The following BUD23 variants were observed in gnomAD, a reference collection of about 807,000 sequenced individuals.
BUD23 encodes 18S rRNA (guanine-N(7))-methyltransferase.
BUD23 carries 34 observed loss-of-function variants against 47.0 expected under a neutral mutation model. The ratio of observed to expected loss-of-function variants is 0.72; its 90% CI spans 0.55 to 0.96. The LOEUF is 0.96. Ranked by LOEUF, BUD23 falls within the 40% of genes least tolerant of loss-of-function variation. The probability of loss-of-function intolerance (pLI) is 0.00; values close to 1 mark genes in which losing one functional copy is unlikely to be tolerated. For missense variants in BUD23, 343 were observed against 361.2 expected, an observed-to-expected ratio of 0.95 and a Z score of 0.41; for synonymous variants, 124 against 132.0, an observed-to-expected ratio of 0.94 and a Z score of 0.41.
At chr7:73,692,916 T>C in intron 7 of BUD23, 1 of 544,788 alleles carries the variant, frequency 1.8e-6, no homozygotes, top group East Asian at 2.9e-5. Context: ...GTAAATGCCA[T>C]TTAGGAAGGG....
In BUD23 at chr7:73,693,548, G is replaced by C. The variant is rs1210234416; in HGVS notation, c.597-76G>C. 1.9e-6 allele frequency: 3 copies of C among 1,603,856 alleles called. No homozygotes were observed. The African/African-American group carries it at 4.0e-5, about 21-fold the overall frequency. ...GGGTCCAGGCAGGCGGAGGGGGTGC[G>C]GGTGGGGGAGCTGAGGGCTTGTCTC... On this transcript the variant is annotated intron_variant, in intron 8 of 11. Coordinates refer to ENST00000265758, the MANE Select transcript of BUD23 (RefSeq NM_017528.5).
chr7:73,686,301 G>A (rs1797964442), intron 2 of BUD23, among the ~76,000 whole-genome samples: 1 of 152,174 alleles, frequency 6.6e-6, no homozygotes, highest in Non-Finnish European at 1.5e-5. Context: ...ACAAGTGCTA[G>A]AGCAGCCCAG....
chr7:73,691,374 G>A lies in BUD23; in HGVS notation c.459+362G>A, dbSNP rs185826922. Reference sequence around the variant, plus strand: ...TGAGCAGAGTGAGGACAGAGATGTCGTGTCCGGACCATCCAGAGGGGTACC... The same window carrying A: ...TGAGCAGAGTGAGGACAGAGATGTCATGTCCGGACCATCCAGAGGGGTACC... On this transcript the variant is annotated intron_variant, in intron 6 of 11. Transcript: ENST00000265758. Among the ~76,000 whole-genome samples the A allele has an allele frequency of 1.8e-4, 28 of 152,250 alleles. No homozygotes were observed. In the East Asian group the frequency reaches 5.2e-3, roughly 28 times the overall value.
rs142695767 is a variant in BUD23 at position 73,686,615 on chromosome 7, C to T, written c.87-21C>T. 1.9e-6 allele frequency: 3 copies of T among 1,612,132 alleles called. No individual in the cohort carries two copies. The African/African-American group carries it at 4.0e-5, about 22-fold the overall frequency. ...ACCCAGAACTCCTTTACCATGTCCA[C>T]TTGTGTTTCTGCCTTACCAGCTCAC... On this transcript the variant is annotated intron_variant, in intron 2 of 11. Transcript: ENST00000265758.
intron 2 of BUD23, among the ~76,000 whole-genome samples, chr7:73,685,248 C>T (rs1489354108): frequency 6.6e-6 from 1 of 152,220 alleles, no homozygotes; most frequent in African/African-American, 2.4e-5. Flanking sequence ...CCACTGCACT[C>T]CAGCCTTGGC....
rs781934732 is a variant in BUD23 at position 73,692,562 on chromosome 7, A to G, written c.460-34A>G. 4.3e-6 allele frequency: 7 copies of G among 1,609,750 alleles called. No individual in the cohort carries two copies. The Admixed American group carries it at 1.2e-4, about 27-fold the overall frequency. ...GTCCAGGCCCTAAGCTCATGCAGTC[A>G]TTTGTAAGACAGTGATGTTCCTGTT... On this transcript the variant is annotated intron_variant, in intron 6 of 11. Coordinates refer to ENST00000265758, the MANE Select transcript of BUD23 (RefSeq NM_017528.5).
chr7:73,694,095 C>G (rs1372181017), intron 10 of BUD23, 45 bp downstream of exon 10: 19 of 1,581,346 alleles, frequency 1.2e-5, no homozygotes, highest in Non-Finnish European at 1.5e-5. Flanking sequence ...CGGGGGCTGC[C>G]ACATTTGTTA....
Position 73,686,807 on chromosome 7 carries a change from A to T in BUD23, c.183-11A>T. The T allele has an allele frequency of 1.2e-6, 2 of 1,613,980 alleles. No homozygotes were observed. Among genetic ancestry groups the T allele is most frequent in the Non-Finnish European group, 8.5e-7 (1 of 1,179,974 alleles). ...GTAAACTGACCCTGAGTGTCTGGTC[A>T]TGTCTTCCAGCTGTGGCACTGGGCT... On this transcript the variant is annotated splice_polypyrimidine_tract_variant and intron_variant, in intron 3 of 11. Transcript: ENST00000265758.
intron 10 of BUD23, chr7:73,697,294 G>A (rs1269807389): frequency 1.3e-5 from 9 of 677,408 alleles, no homozygotes; most frequent in East Asian, 1.1e-4. Flanking sequence ...GGTAGAAAGC[G>A]GCCTGCTTAC....
intron 10 of BUD23, chr7:73,695,869 C>T (rs1326011462): frequency 2.0e-5 from 3 of 152,164 alleles, no homozygotes; most frequent in Non-Finnish European, 4.4e-5. Context: ...AGTTGTGCTC[C>T]CCGCTCATGT....
intron 11 of BUD23, 39 bp from the exon 12 acceptor site, chr7:73,697,793 C>G: frequency 6.2e-7 from 1 of 1,611,198 alleles, no homozygotes; most frequent in African/African-American, 1.3e-5. Flanking sequence ...CTGCTTTGAT[C>G]TTTTTTTTCT....
At chr7:73,693,004 TAAGTG>T (rs1287411191) in intron 7 of BUD23, 50 of 540,524 alleles carry the variant, frequency 9.3e-5, no homozygotes, top group East Asian at 3.3e-4. Context: ...TGTTGAAAGA[TAAGTG>T]AAGAGCTGTT....
intron 2 of BUD23, chr7:73,684,109 G>A (rs1797843256): frequency 2.5e-6 from 2 of 802,254 alleles, no homozygotes; most frequent in Non-Finnish European, 3.7e-6. Flanking sequence ...CGGGCGAGGG[G>A]TCAGTCCTGG....
At chr7:73,693,125 G>T (rs545600244) in intron 7 of BUD23, 2 of 603,780 alleles carry the variant, frequency 3.3e-6, no homozygotes, top group Admixed American at 5.7e-5. Context: ...GAGGGGAGTT[G>T]CTTTGTTCTG....
Position 73,697,859 on chromosome 7 carries a change from CG to C in BUD23, c.821del (p.Gly274AlafsTer31). Reference sequence around the variant, plus strand: ...AAGTCAGACCTGACACCCAGTACACCGGCCGCAAGCGCAAGCCCCGCTTCTA... The same window carrying C: ...AAGTCAGACCTGACACCCAGTACACCGCCGCAAGCGCAAGCCCCGCTTCTA... ...REVRPDTQYTGRKRKPRF is the reference protein window; with the variant it reads ...REVRPDTQYTXRKRKPRF On this transcript the variant is annotated frameshift_variant, in exon 12 of 12. Transcript: ENST00000265758. LOFTEE classifies it high-confidence loss of function. 6.2e-7 allele frequency: 1 copy of C among 1,613,918 alleles called. No individual in the cohort carries two copies. The highest frequency in any genetic ancestry group is 8.5e-7 in the Non-Finnish European group (1 of 1,179,986).
chr7:73,687,909 T>G (rs1264960346), intron 5 of BUD23, among the ~76,000 whole-genome samples: 1 of 151,758 alleles, frequency 6.6e-6, no homozygotes, highest in African/African-American at 2.4e-5. Context: ...TGTTTTTTTT[T>G]TTTTGAGATG....
chr7:73,697,609 C>T lies in BUD23; in HGVS notation c.706C>T (p.Pro236Ser), dbSNP rs950447369. ...ATAGCTGTGTCTCCGCCACAGGTTC[C>T]CATTAAGGATGTCGAGGCGGGGAAT... ...RESVFTNERF[P>S]LRMSRRGMVR... The change falls in exon 11 of 12, where the codon CCA becomes TCA. Residue 236 changes from proline to serine, a missense_variant. Coordinates refer to ENST00000265758, the MANE Select transcript of BUD23 (RefSeq NM_017528.5). 3.1e-6 allele frequency: 5 copies of T among 1,613,634 alleles called. No individual in the cohort carries two copies. The highest frequency in any genetic ancestry group is 3.4e-6 in the Non-Finnish European group (4 of 1,179,948).
chr7:73,692,097 C>T (rs1584223340), intron 6 of BUD23, among the ~76,000 whole-genome samples: 1 of 152,154 alleles, frequency 6.6e-6, no homozygotes, highest in East Asian at 1.9e-4. Context: ...GGCCGCTGGC[C>T]TTTCCTGGGG....
chr7:73,689,802 T>C (rs1390251018), intron 5 of BUD23, among the ~76,000 whole-genome samples: 2 of 151,968 alleles, frequency 1.3e-5, no homozygotes, highest in East Asian at 1.9e-4. Flanking sequence ...CGGGATCAGA[T>C]GTGTGTTTAA....
Sources: allele counts gnomAD v4.1 joint callset (sites outside exome capture counted in the v4.1 genomes callset), GRCh38; gene constraint gnomAD v4.1.1; transcripts MANE v1.5; gene names NCBI Gene and HGNC (gene_info 2026-07-23, HGNC 2026-07-21).